The following SEZ6L variants were observed in gnomAD, a reference collection of about 807,000 sequenced individuals.
SEZ6L encodes the protein seizure related 6 homolog like, also known as seizure 6-like protein.
SEZ6L carries 37 observed loss-of-function variants against 106.2 expected under a neutral mutation model. The ratio of observed to expected loss-of-function variants is 0.35; its 90% confidence interval spans 0.27 to 0.46. SEZ6L has a LOEUF of 0.46. Among genes scored for constraint, SEZ6L ranks in the 20% least tolerant of loss-of-function variants. The probability of loss-of-function intolerance (pLI) is 1.00; values close to 1 mark genes in which losing one functional copy is unlikely to be tolerated. For synonymous variants in SEZ6L, 541 were observed against 570.4 expected (o/e 0.95, Z 0.73); for missense variants, 1,172 against 1,332.8 (o/e 0.88, Z 1.88).
chr22:26,297,666 C>T (rs1346458110), intron 4 of SEZ6L, among the ~76,000 whole-genome samples: 1 of 152,140 alleles, frequency 6.6e-6, no homozygotes, highest in African/African-American at 2.4e-5. Context: ...TACTGGTTTT[C>T]CTTTTTGTCT....
chr22:26,272,536 T>C (rs1380506897), intron 1 of SEZ6L, among the ~76,000 whole-genome samples: 2 of 152,310 alleles, frequency 1.3e-5, no homozygotes, highest in East Asian at 3.9e-4. Flanking sequence ...GGGTGAAGGA[T>C]AAACTTTGGG....
intron 1 of SEZ6L, among the ~76,000 whole-genome samples, chr22:26,207,186 A>G (rs1052351743): frequency 2.0e-5 from 3 of 152,156 alleles, no homozygotes; most frequent in African/African-American, 7.2e-5. Flanking sequence ...TGCACCCACT[A>G]TAATTGTTAG....
intron 1 of SEZ6L, among the ~76,000 whole-genome samples, chr22:26,261,597 C>T (rs1418457875): frequency 6.6e-6 from 1 of 152,124 alleles, no homozygotes; most frequent in Non-Finnish European, 1.5e-5. Context: ...ATCATAGTCC[C>T]TAACCTTGTG....
chr22:26,305,336 C>T (rs1055025746), intron 5 of SEZ6L, among the ~76,000 whole-genome samples: 3 of 152,134 alleles, frequency 2.0e-5, no homozygotes, highest in East Asian at 3.9e-4. Context: ...CCGCATTTGG[C>T]GGATCAAAGT....
chr22:26,229,378 A>G (rs918153113), intron 1 of SEZ6L, among the ~76,000 whole-genome samples: 1 of 151,958 alleles, frequency 6.6e-6, no homozygotes, highest in Non-Finnish European at 1.5e-5. Flanking sequence ...TTGTAACTGT[A>G]CTCTTTAAAT....
chr22:26,252,052 A>G, intron 1 of SEZ6L, among the ~76,000 whole-genome samples: 1 of 152,146 alleles, frequency 6.6e-6, no homozygotes, highest in Admixed American at 6.5e-5. Context: ...AGCATCAGCG[A>G]CAGCAGCAGC....
intron 1 of SEZ6L, among the ~76,000 whole-genome samples, chr22:26,198,851 A>T (rs1940750581): frequency 6.6e-6 from 1 of 152,212 alleles, no homozygotes; most frequent in Non-Finnish European, 1.5e-5. Flanking sequence ...GTCTTTAATA[A>T]CAAAATCTTC....
At chr22:26,275,335 T>C (rs2080508033) in intron 1 of SEZ6L, among the ~76,000 whole-genome samples, 1 of 152,218 alleles carries the variant, frequency 6.6e-6, no homozygotes, top group Non-Finnish European at 1.5e-5. Context: ...TGTAGGCCTA[T>C]GTAAGTGTTC....
chr22:26,169,998 C>T lies in SEZ6L; in HGVS notation c.94+235C>T, dbSNP rs1192429070. ...GCTTCCCTGCTTCGGCTGCGGGCTC[C>T]CTTTCGGTCTTCCCCGGCTGCGGGG... On this transcript the variant is annotated intron_variant, in intron 1 of 16. Transcript: ENST00000248933. Among the ~76,000 whole-genome samples, 2 of 152,098 alleles carry T rather than the reference C, an allele frequency of 1.3e-5. 1 individual carries two copies. The highest frequency in any genetic ancestry group is 2.9e-5 in the Non-Finnish European group (2 of 67,992).
chr22:26,185,683 T>C (rs548913559), intron 1 of SEZ6L, among the ~76,000 whole-genome samples: 1 of 152,326 alleles, frequency 6.6e-6, no homozygotes, highest in South Asian at 2.1e-4. Flanking sequence ...GTCCACCATT[T>C]ATATGCCAGG....
intron 1 of SEZ6L, among the ~76,000 whole-genome samples, chr22:26,236,418 C>A (rs1175881927): frequency 6.6e-6 from 1 of 151,684 alleles, no homozygotes; most frequent in Non-Finnish European, 1.5e-5. Context: ...CAAAACAGAC[C>A]CTGTCTTATT....
intron 1 of SEZ6L, among the ~76,000 whole-genome samples, chr22:26,248,516 A>G (rs929710096): frequency 1.3e-5 from 2 of 152,024 alleles, no homozygotes; most frequent in South Asian, 4.2e-4. Context: ...TAGTTTTTCT[A>G]TTTTGATTGT....
At chr22:26,237,025 T>G (rs2078976861) in intron 1 of SEZ6L, among the ~76,000 whole-genome samples, 1 of 152,172 alleles carries the variant, frequency 6.6e-6, no homozygotes, top group Non-Finnish European at 1.5e-5. Context: ...CCATCCAGGC[T>G]GGGCTAGCTG....
At position 26,292,432 on chromosome 22, in the gene SEZ6L, C is replaced by T. The variant is rs2081157283; in HGVS notation, c.121C>T (p.Pro41Ser). 1.2e-6 allele frequency: 2 copies of T among 1,613,482 alleles called. No homozygotes were observed. Among genetic ancestry groups the T allele is most frequent in the Admixed American group, 1.7e-5 (1 of 59,954 alleles). Residue 41 changes from proline to serine, a missense_variant, in exon 2 of 17, where the codon CCT becomes TCT. Physicochemically the swap from Pro to Ser is moderately conservative, Grantham distance 74. Around this residue, in one of 4 missense-constraint regions of SEZ6L, gnomAD observed 494 missense variants for 445.8 expected, o/e 1.11. Transcript: ENST00000248933. ...TGCTCTTCCCGAGGGAGATGCTAGCCCTTTGGGTCCTTACCTCCTGCCCTC... is the reference window on the plus strand; with the variant it reads ...TGCTCTTCCCGAGGGAGATGCTAGCTCTTTGGGTCCTTACCTCCTGCCCTC... ...RDALPEGDAS[P>S]LGPYLLPSGA...
At chr22:26,268,283 T>G (rs147547654) in intron 1 of SEZ6L, among the ~76,000 whole-genome samples, 16 of 152,308 alleles carry the variant, frequency 1.1e-4, no homozygotes, top group Admixed American at 3.9e-4. Context: ...TCACCCGGTA[T>G]GAACAGAAAA....
chr22:26,372,391 G>A (rs2084067298), intron 13 of SEZ6L, among the ~76,000 whole-genome samples: 1 of 152,164 alleles, frequency 6.6e-6, no homozygotes, highest in Admixed American at 6.5e-5. Flanking sequence ...CTTGGGGCAG[G>A]ACCATCTGCT....
intron 9 of SEZ6L, among the ~76,000 whole-genome samples, chr22:26,324,103 A>ACACACACAC (rs1569463232): frequency 3.2e-4 from 27 of 83,372 alleles, no homozygotes; most frequent in Non-Finnish European, 3.9e-4. Context: ...CACACACACA[A>ACACACACAC]ACACACACAC....
At chr22:26,266,342 C>T (rs188189456) in intron 1 of SEZ6L, among the ~76,000 whole-genome samples, 30 of 150,360 alleles carry the variant, frequency 2.0e-4, no homozygotes, top group African/African-American at 6.9e-4. Flanking sequence ...GGGTGGATCA[C>T]GAGGTCAGGA....
chr22:26,181,945 G>A (rs1432321780), intron 1 of SEZ6L, among the ~76,000 whole-genome samples: 4 of 152,148 alleles, frequency 2.6e-5, no homozygotes, highest in South Asian at 2.1e-4. Flanking sequence ...GAGCTCAGTC[G>A]TGAGACGCAT....
Sources: gnomAD v4.1 joint callset for allele counts (sites outside exome capture counted in the v4.1 genomes callset) on GRCh38, gnomAD v4.1.1 for gene constraint, gnomAD v4.1.1 regional missense constraint, MANE v1.5 for transcripts, NCBI Gene and HGNC (gene_info 2026-07-23, HGNC 2026-07-21) for gene names.